The following AFF3 variants were observed in gnomAD, a reference collection of about 807,000 sequenced individuals.
AFF3 encodes the protein ALF transcription elongation factor 3.
Under a neutral mutation model 129.7 loss-of-function variants are expected in AFF3, and 32 were observed. The ratio of observed to expected loss-of-function variants is 0.25; its 90% CI spans 0.19 to 0.33. The LOEUF is 0.33. Among genes scored for constraint, AFF3 ranks in the 10% least tolerant of loss-of-function variants. The pLI, the probability that AFF3 is intolerant of heterozygous loss-of-function variation, is 1.00. For missense variants in AFF3, 1,373 were observed against 1,592.0 expected (o/e 0.86, Z 2.34); for synonymous variants, 644 against 635.4 (o/e 1.01, Z -0.20).
chr2:99,846,036 G>A (rs961359617), intron 7 of AFF3, among the ~76,000 whole-genome samples: 6 of 151,814 alleles, frequency 4.0e-5, no homozygotes, highest in African/African-American at 7.3e-5. Context: ...GTTTCACCAC[G>A]TTAGCCAGGA....
intron 7 of AFF3, among the ~76,000 whole-genome samples, chr2:99,918,708 TATG>T (rs1221831202): frequency 3.9e-5 from 6 of 152,306 alleles, no homozygotes; most frequent in Non-Finnish European, 8.8e-5. Flanking sequence ...TTAAGTGAAG[TATG>T]AATAGTGAGT....
In AFF3 at chr2:99,561,287, G is replaced by A. The variant is rs187374528; in HGVS notation, c.3120-851C>T. Among the ~76,000 whole-genome samples the A allele has an allele frequency of 6.6e-5, 10 of 152,314 alleles. No homozygotes were observed. In the East Asian group the frequency reaches 1.5e-3, roughly 23 times the overall value. On this transcript the variant is annotated intron_variant, in intron 20 of 24. Coordinates refer to ENST00000672756, the MANE Select transcript of AFF3 (RefSeq NM_001386135.1). ...GTAAAGCTCTTGGGATAGTTGGCTG[G>A]CTTGTAAATTGCTCAAGAAACATAC...
At chr2:100,032,253 C>A (rs1383548929) in intron 4 of AFF3, among the ~76,000 whole-genome samples, 5 of 152,062 alleles carry the variant, frequency 3.3e-5, no homozygotes, top group African/African-American at 1.2e-4. Context: ...TGGTGAAACC[C>A]CGTCTCTACT....
At chr2:100,099,699 C>G (rs1487970607) in intron 4 of AFF3, among the ~76,000 whole-genome samples, 3 of 152,174 alleles carry the variant, frequency 2.0e-5, no homozygotes, top group African/African-American at 7.2e-5. Flanking sequence ...ATGGCTTATT[C>G]TCCTATTAAG....
At chr2:99,800,487 T>C (rs763338559) in intron 8 of AFF3, among the ~76,000 whole-genome samples, 1 of 152,216 alleles carries the variant, frequency 6.6e-6, no homozygotes, top group Non-Finnish European at 1.5e-5. Context: ...ATAAGCACTT[T>C]GGAGAACAGT....
intron 4 of AFF3, among the ~76,000 whole-genome samples, chr2:100,049,492 G>A (rs556462047): frequency 2.6e-5 from 4 of 152,170 alleles, no homozygotes; most frequent in South Asian, 2.1e-4. Flanking sequence ...AGAAAATAAC[G>A]GCCATAAGAA....
intron 7 of AFF3, among the ~76,000 whole-genome samples, chr2:99,967,165 C>G (rs575184867): frequency 6.6e-6 from 1 of 152,112 alleles, no homozygotes; most frequent in Non-Finnish European, 1.5e-5. Context: ...TGTGTTTTTC[C>G]CCATCTCTTA....
At chr2:99,752,438 A>T (rs576284166) in intron 8 of AFF3, 137 bp from the exon 9 acceptor site, 42 of 655,654 alleles carry the variant, frequency 6.4e-5, no homozygotes, top group Non-Finnish European at 9.9e-5. Flanking sequence ...AAAGAATTTT[A>T]AAAAAAGATG....
intron 7 of AFF3, among the ~76,000 whole-genome samples, chr2:99,870,240 G>A (rs1691772463): frequency 6.6e-6 from 1 of 152,174 alleles, no homozygotes; most frequent in Non-Finnish European, 1.5e-5. Context: ...CCTTGTCACT[G>A]CTCAGCCATA....
intron 7 of AFF3, among the ~76,000 whole-genome samples, chr2:99,948,482 G>A (rs570206482): frequency 6.6e-6 from 1 of 152,256 alleles, no homozygotes; most frequent in South Asian, 2.1e-4. Context: ...AATTTTCTTT[G>A]ATGTTTTATT....
At chr2:99,855,186 T>C (rs772625492) in intron 7 of AFF3, among the ~76,000 whole-genome samples, 14 of 152,170 alleles carry the variant, frequency 9.2e-5, no homozygotes, top group African/African-American at 7.2e-5. Flanking sequence ...AAAATGAAGA[T>C]ATAAAGGGTA....
intron 7 of AFF3, among the ~76,000 whole-genome samples, chr2:100,001,287 G>A (rs978802697): frequency 6.6e-6 from 1 of 152,166 alleles, no homozygotes; most frequent in Admixed American, 6.5e-5. Flanking sequence ...AGAGAGGAAA[G>A]AGAAAGCAAA....
intron 12 of AFF3, among the ~76,000 whole-genome samples, chr2:99,659,150 T>A (rs1686010369): frequency 6.6e-6 from 1 of 152,186 alleles, no homozygotes; most frequent in Non-Finnish European, 1.5e-5. Flanking sequence ...TCGCTGAAGA[T>A]TCGCCTGGCA....
intron 7 of AFF3, among the ~76,000 whole-genome samples, chr2:99,919,658 A>G (rs1695723298): frequency 6.6e-6 from 1 of 152,194 alleles, no homozygotes; most frequent in South Asian, 2.1e-4. Flanking sequence ...CTTTAAGACA[A>G]AAGTTAAAAG....
At chr2:99,844,498 C>T (rs1576166651) in intron 7 of AFF3, among the ~76,000 whole-genome samples, 1 of 124,096 alleles carries the variant, frequency 8.1e-6, no homozygotes, top group Middle Eastern at 8.6e-3. Context: ...AGCACAGTGG[C>T]GCCATCTCGG....
intron 11 of AFF3, among the ~76,000 whole-genome samples, chr2:99,698,753 T>C (rs1391099029): frequency 1.3e-5 from 2 of 152,238 alleles, no homozygotes; most frequent in Non-Finnish European, 2.9e-5. Context: ...AGTTTTATTA[T>C]TGTACCTTAG....
At chr2:99,981,266 C>A (rs981567037) in intron 7 of AFF3, among the ~76,000 whole-genome samples, 4 of 152,190 alleles carry the variant, frequency 2.6e-5, no homozygotes, top group African/African-American at 7.2e-5. Context: ...GATCCGCCCA[C>A]CTCAGCCTCC....
intron 4 of AFF3, among the ~76,000 whole-genome samples, chr2:100,061,818 T>C (rs1169534241): frequency 7.3e-6 from 1 of 136,812 alleles, no homozygotes; most frequent in Non-Finnish European, 1.6e-5. Flanking sequence ...TGTGCTGTGA[T>C]CCCCTCCACC....
chr2:100,000,836 T>C (rs187217343), intron 7 of AFF3, among the ~76,000 whole-genome samples: 84 of 152,304 alleles, frequency 5.5e-4, no homozygotes, highest in African/African-American at 1.8e-3. Context: ...CTGGTCTCCA[T>C]AGCTGCACCC....
Sources: gnomAD v4.1 joint callset for allele counts (sites outside exome capture counted in the v4.1 genomes callset) on GRCh38, gnomAD v4.1.1 for gene constraint, MANE v1.5 for transcripts, NCBI Gene and HGNC (gene_info 2026-07-23, HGNC 2026-07-21) for gene names.